The following COL5A1 variants were observed in gnomAD, a reference collection of about 807,000 sequenced individuals.
The protein encoded by COL5A1 is collagen alpha-1(V) chain.
In COL5A1, 16 loss-of-function variants were observed where a neutral mutation model predicts 263.7. That is an observed-to-expected ratio of 0.06 (90% CI 0.04 to 0.09). COL5A1 has a LOEUF of 0.09. Ranked by LOEUF, COL5A1 falls within the 10% of genes least tolerant of loss-of-function variation. The pLI, the probability that COL5A1 is intolerant of heterozygous loss-of-function variation, is 1.00. For missense variants in COL5A1, 2,036 were observed against 2,540.5 expected, an observed-to-expected ratio of 0.80 and a Z score of 4.27; for synonymous variants, 1,012 against 1,004.5, an observed-to-expected ratio of 1.01 and a Z score of -0.14.
chr9:134,730,599 G>GT (rs1355158100), intron 7 of COL5A1, 124 bp downstream of exon 7: 1 of 1,366,450 alleles, frequency 7.3e-7, no homozygotes, highest in Non-Finnish European at 1.0e-6. Flanking sequence ...TGGCCCCTGT[G>GT]TTCCACCACA....
chr9:134,813,211 T>C (rs1262375963), intron 48 of COL5A1, among the ~76,000 whole-genome samples: 1 of 151,898 alleles, frequency 6.6e-6, no homozygotes, highest in African/African-American at 2.4e-5. Flanking sequence ...TGTGTGTGCC[T>C]GTGTGTGTGA....
chr9:134,734,989 T>C (rs1232493262), intron 9 of COL5A1, among the ~76,000 whole-genome samples: 2 of 152,082 alleles, frequency 1.3e-5, no homozygotes, highest in African/African-American at 4.8e-5. Context: ...GGCAGGCAGA[T>C]CACCTGAAGT....
At chr9:134,767,377 G>T (rs376639986) in intron 24 of COL5A1, 23 bp downstream of exon 24, 37 of 1,611,328 alleles carry the variant, frequency 2.3e-5, no homozygotes, top group Non-Finnish European at 3.0e-5. Context: ...GGGCTGTGTT[G>T]CAGGCCACTG....
At chr9:134,816,966 G>A (rs1450488883) in intron 52 of COL5A1, 60 bp from the exon 53 acceptor site, 1 of 1,461,428 alleles carries the variant, frequency 6.8e-7, no homozygotes, top group Non-Finnish European at 9.6e-7. Flanking sequence ...CATGTGTTTT[G>A]CCTCAATTGA....
chr9:134,690,310 G>C (rs1254178362), intron 1 of COL5A1, among the ~76,000 whole-genome samples: 1 of 92,572 alleles, frequency 1.1e-5, no homozygotes, highest in Non-Finnish European at 3.2e-5. Flanking sequence ...GGTGGATAAT[G>C]ACGGGGGGAT....
intron 38 of COL5A1, among the ~76,000 whole-genome samples, chr9:134,802,621 C>T (rs1347111635): frequency 6.6e-6 from 1 of 152,226 alleles, no homozygotes; most frequent in Non-Finnish European, 1.5e-5. Context: ...CCCAGGAAGG[C>T]AGGCTTGGCC....
intron 63 of COL5A1, 21 bp downstream of exon 63, chr9:134,825,925 A>C (rs563060583): frequency 1.3e-6 from 2 of 1,545,966 alleles, no homozygotes; most frequent in African/African-American, 1.4e-5. Context: ...GTGTCCCTCC[A>C]TGGCCCCAGC....
chr9:134,642,058 C>T lies in COL5A1; in HGVS notation c.-130C>T. On this transcript the variant is annotated 5_prime_UTR_variant, in exon 1 of 66. Coordinates refer to ENST00000371817, the MANE Select transcript of COL5A1 (RefSeq NM_000093.5). The surrounding 1 kb of genome is among the most constrained non-coding windows in gnomAD (Gnocchi z 4.5). The stretch of plus-strand genomic sequence containing the variant: ...CGCCACAAAGAAGAACGGGGGGTGC[C>T]GAGGTCCCCATGACCTCCTAAAGTG... The T allele has an allele frequency of 1.3e-6, 1 of 761,862 alleles. No individual in the cohort carries two copies. Among genetic ancestry groups the T allele is most frequent in the Non-Finnish European group, 1.8e-6 (1 of 559,428 alleles). The allele number at this position is 761,862 out of a possible 1,614,324, so 47.2% of individuals were successfully genotyped here.
At chr9:134,645,702 C>T (rs1265506340) in intron 1 of COL5A1, among the ~76,000 whole-genome samples, 1 of 152,234 alleles carries the variant, frequency 6.6e-6, no homozygotes, top group East Asian at 1.9e-4. Flanking sequence ...AGGCAGATGT[C>T]TTCCATTCCT....
intron 64 of COL5A1, among the ~76,000 whole-genome samples, chr9:134,830,597 T>C (rs1386691019): frequency 1.3e-5 from 2 of 152,174 alleles, no homozygotes; most frequent in Admixed American, 6.5e-5. Flanking sequence ...TTCTAGGACC[T>C]GCACCACGGA....
chr9:134,652,919 C>T lies in COL5A1; in HGVS notation c.109+10623C>T. The T allele has an allele frequency of 3.0e-6, 1 of 331,842 alleles. No homozygotes were observed. The highest frequency in any genetic ancestry group is 4.0e-4 in the Middle Eastern group (1 of 2,516). The allele number at this position is 331,842 out of a possible 1,614,324, so 20.6% of individuals were successfully genotyped here. ...CTGCATTTCTAACGAAGTCAGTTCCCAGACCACGCGGATGCTGGAGCGTCT... is the reference window on the plus strand; with the variant it reads ...CTGCATTTCTAACGAAGTCAGTTCCTAGACCACGCGGATGCTGGAGCGTCT... On this transcript the variant is annotated intron_variant, in intron 1 of 65. Transcript: ENST00000371817. This position sits in a 1 kb window ranked among gnomAD's most constrained non-coding sequence, Gnocchi z 4.4.
chr9:134,679,074 ACTT>A (rs1832758242), intron 1 of COL5A1, among the ~76,000 whole-genome samples: 1 of 152,158 alleles, frequency 6.6e-6, no homozygotes, highest in Admixed American at 6.5e-5. Context: ...CCTCTTCACT[ACTT>A]GACACCCTTA....
intron 1 of COL5A1, among the ~76,000 whole-genome samples, chr9:134,688,089 G>A (rs2132546155): frequency 6.6e-6 from 1 of 152,308 alleles, no homozygotes; most frequent in Admixed American, 6.5e-5. Flanking sequence ...GTTTTCCTCT[G>A]CTCTGGCACA....
chr9:134,802,994 A>G lies in COL5A1; in HGVS notation c.3113A>G (p.Lys1038Arg). 6.3e-7 allele frequency: 1 copy of G among 1,596,846 alleles called. No homozygotes were observed. The highest frequency in any genetic ancestry group is 8.5e-7 in the Non-Finnish European group (1 of 1,171,974). The change falls in exon 39 of 66, where the codon AAG (lysine) becomes AGG (arginine). Residue 1038 changes from lysine (K) to arginine (R), a missense_variant and splice_region_variant. By Grantham distance (26) the Lys-to-Arg change is conservative. This residue lies in a region of COL5A1 where 1,078 missense variants were observed against 1,521.4 expected (regional missense o/e 0.71). Transcript: ENST00000371817. Reference sequence around the variant, plus strand: ...GGCCTTGCTGGAAAAGAAGGGACGAAGGTGAGTTTCTGGAGCCTTCTGTGT... The same window carrying G: ...GGCCTTGCTGGAAAAGAAGGGACGAGGGTGAGTTTCTGGAGCCTTCTGTGT... ...LPGLAGKEGTKGDPGPAGLPG... is the reference protein window; with the variant it reads ...LPGLAGKEGTRGDPGPAGLPG...
chr9:134,767,466 C>T (rs1836719120), intron 24 of COL5A1, 112 bp downstream of exon 24: 2 of 1,004,126 alleles, frequency 2.0e-6, no homozygotes, highest in Non-Finnish European at 3.1e-6. Context: ...TATCTTGGTG[C>T]TCCCAAGAGA....
intron 61 of COL5A1, among the ~76,000 whole-genome samples, chr9:134,823,776 CGT>C (rs1839126804): frequency 1.3e-5 from 2 of 152,012 alleles, no homozygotes; most frequent in Admixed American, 6.6e-5. Context: ...TGACTGGGCA[CGT>C]GTGTGTGCAT....
At chr9:134,685,528 A>T (rs1279715946) in intron 1 of COL5A1, among the ~76,000 whole-genome samples, 2 of 140,650 alleles carry the variant, frequency 1.4e-5, no homozygotes, top group African/African-American at 2.7e-5. Flanking sequence ...CCATCCATCC[A>T]TCCACCATCC....
At position 134,833,575 on chromosome 9, in the gene COL5A1, GTCTT is replaced by G. The variant is rs150845028; in HGVS notation, c.5137-1391_5137-1388del. Among the ~76,000 whole-genome samples, 1,509 of 152,292 alleles carry G rather than the reference GTCTT, an allele frequency of 9.9e-3. 34 individuals are homozygous for G. The highest frequency in any genetic ancestry group is 0.035 in the African/African-American group (1,435 of 41,560). ...GACGCTTCTGGGAAGGGGAGGAGTGGTCTTTCTTGAGTGGCCATGCCAGACATCA... is the reference window on the plus strand; with the variant it reads ...GACGCTTCTGGGAAGGGGAGGAGTGGTCTTGAGTGGCCATGCCAGACATCA... On this transcript the variant is annotated intron_variant, in intron 64 of 65. Coordinates refer to ENST00000371817, the MANE Select transcript of COL5A1 (RefSeq NM_000093.5).
intron 4 of COL5A1, among the ~76,000 whole-genome samples, chr9:134,723,124 C>G (rs988506062): frequency 6.6e-6 from 1 of 152,154 alleles, no homozygotes; most frequent in Non-Finnish European, 1.5e-5. Flanking sequence ...AACCTGTCAC[C>G]CAGTGCCCTC....
Sources: gnomAD v4.1 joint callset for allele counts (sites outside exome capture counted in the v4.1 genomes callset) on GRCh38, gnomAD v4.1.1 for gene constraint, gnomAD v4.1.1 regional missense constraint, Gnocchi (gnomAD v3.1) non-coding constraint, MANE v1.5 for transcripts, NCBI Gene and HGNC (gene_info 2026-07-23, HGNC 2026-07-21) for gene names.